The following STRN variants were observed in gnomAD, a reference collection of about 807,000 sequenced individuals.
STRN encodes the protein protein phosphatase 2 regulatory subunit B'''alpha.
A neutral mutation model predicts 96.3 loss-of-function variants in STRN; 53 were observed. The ratio of observed to expected loss-of-function variants is 0.55; its 90% CI spans 0.44 to 0.69. The LOEUF is 0.69. STRN is among the 30% of genes least tolerant of loss of function. The pLI is 0.00. For synonymous variants in STRN, 428 were observed against 355.9 expected (o/e 1.20, Z -2.28); for missense variants, 987 against 963.9 (o/e 1.02, Z -0.32).
chr2:36,878,184 AT>A (rs1242954185), intron 9 of STRN, among the ~76,000 whole-genome samples, 157 bp from the exon 10 acceptor site: 1 of 152,226 alleles, frequency 6.6e-6, no homozygotes, highest in African/African-American at 2.4e-5. Flanking sequence ...AAAATCCTAA[AT>A]AATTTATTGC....
At chr2:36,858,353 T>C (rs1668401380) in intron 13 of STRN, among the ~76,000 whole-genome samples, 1 of 152,202 alleles carries the variant, frequency 6.6e-6, no homozygotes. Flanking sequence ...ATTTAATTCA[T>C]CTTTGGAGAA....
At chr2:36,855,180 A>T in intron 15 of STRN, 32 bp downstream of exon 15, 1 of 1,602,936 alleles carries the variant, frequency 6.2e-7, no homozygotes, top group Non-Finnish European at 8.5e-7. Context: ...TTAAAAAAAT[A>T]AACACAGACA....
chr2:36,855,313 T>C lies in STRN; in HGVS notation c.1877A>G (p.Asp626Gly). Residue 626 changes from aspartate (D) to glycine (G), a missense_variant, in exon 15 of 18, where the codon GAC becomes GGC. Transcript: ENST00000263918. ...IPASVDLVSS[D>G]PSHMVASFSK... is the part of the protein sequence containing the mutation. ...GAATGATGCTACCATATGGCTCGGG[T>C]CACTGCTCACTAGATCCACAGAGGC... 1 of 1,613,762 alleles carries C rather than the reference T, an allele frequency of 6.2e-7. No individual in the cohort carries two copies. The highest frequency in any genetic ancestry group is 8.5e-7 in the Non-Finnish European group (1 of 1,179,814).
chr2:36,932,994 T>C (rs371684870), intron 1 of STRN, among the ~76,000 whole-genome samples: 4 of 151,946 alleles, frequency 2.6e-5, no homozygotes, highest in African/African-American at 7.2e-5. Context: ...CTTCCTATCT[T>C]TCACCTCTTT....
At chr2:36,882,275 C>A (rs1272060758) in intron 9 of STRN, among the ~76,000 whole-genome samples, 2 of 151,860 alleles carry the variant, frequency 1.3e-5, no homozygotes, top group African/African-American at 4.8e-5. Flanking sequence ...AGAGACAATG[C>A]AAATATAGTA....
At chr2:36,958,157 T>A (rs1664941894) in intron 1 of STRN, among the ~76,000 whole-genome samples, 1 of 151,902 alleles carries the variant, frequency 6.6e-6, no homozygotes. Flanking sequence ...GGACCTCAGG[T>A]GATCTGCCCG....
At chr2:36,879,728 AAATT>A (rs1669018127) in intron 9 of STRN, among the ~76,000 whole-genome samples, 1 of 152,224 alleles carries the variant, frequency 6.6e-6, no homozygotes, top group African/African-American at 2.4e-5. Flanking sequence ...CTAAAGGGGT[AAATT>A]AATTTTCTTA....
At chr2:36,856,970 A>G (rs1668361586) in intron 14 of STRN, among the ~76,000 whole-genome samples, 1 of 152,064 alleles carries the variant, frequency 6.6e-6, no homozygotes, top group African/African-American at 2.4e-5. Flanking sequence ...GAAGCCAAAG[A>G]AAAGTTGCTA....
In STRN at chr2:36,934,274, C is replaced by T. The variant is rs1247670925; in HGVS notation, c.235-9066G>A. On this transcript the variant is annotated intron_variant, in intron 1 of 17. Coordinates refer to ENST00000263918, the MANE Select transcript of STRN (RefSeq NM_003162.4). ...AATCAGTGAACTAATTCAGCAAATG[C>T]TCCAACCTGAGCAAAAAGGATTCAA... 2.0e-5 allele frequency among the ~76,000 whole-genome samples: 3 copies of T among 152,130 alleles called. No individual in the cohort carries two copies. The East Asian group carries it at 5.8e-4, about 29-fold the overall frequency.
At chr2:36,906,938 AC>A (rs1669837233) in intron 3 of STRN, among the ~76,000 whole-genome samples, 2 of 105,578 alleles carry the variant, frequency 1.9e-5, no homozygotes, top group Non-Finnish European at 4.2e-5. Flanking sequence ...AACAAAAAAA[AC>A]AAAAAAAAAC....
intron 1 of STRN, among the ~76,000 whole-genome samples, chr2:36,956,975 A>G (rs1481063892): frequency 6.6e-6 from 1 of 152,232 alleles, no homozygotes. Context: ...CAACACAAAA[A>G]TAGGAAGGAA....
chr2:36,900,892 CTAAATAAATAAATAAA>C lies in STRN; in HGVS notation c.660-1250_660-1235del, dbSNP rs533631408. Among the ~76,000 whole-genome samples the C allele has an allele frequency of 2.0e-5, 3 of 150,526 alleles. No individual in the cohort carries two copies. The South Asian group carries it at 6.3e-4, about 32-fold the overall frequency. On this transcript the variant is annotated intron_variant, in intron 5 of 17. Coordinates refer to ENST00000263918, the MANE Select transcript of STRN (RefSeq NM_003162.4). The stretch of plus-strand genomic sequence containing the variant: ...CAGGTGACAGAGTGAGACTCTGTCT[CTAAATAAATAAATAAA>C]TAAATAAATAAATTTAGTAAAGATT...
intron 8 of STRN, 67 bp downstream of exon 8, chr2:36,886,649 A>G (rs1310983122): frequency 2.5e-6 from 3 of 1,199,572 alleles, no homozygotes; most frequent in Middle Eastern, 2.1e-4. Flanking sequence ...GAAAACATTG[A>G]AAAAAAAAAC....
intron 1 of STRN, among the ~76,000 whole-genome samples, chr2:36,943,966 C>T (rs1012789537): frequency 1.4e-5 from 2 of 147,736 alleles, no homozygotes; most frequent in African/African-American, 2.5e-5. Flanking sequence ...AAAATACAAA[C>T]AAAATTAGCT....
In STRN at chr2:36,893,294, C is replaced by CA. The variant is rs61382980; in HGVS notation, c.931+603dup. ...TTCAGTATGGCACTGCTTTCAATAG[C>CA]AAAAAAAACCCCTAAGCGTACTTTT... is the stretch of plus-strand genomic sequence containing the variant. On this transcript the variant is annotated intron_variant, in intron 7 of 17. Coordinates refer to ENST00000263918, the MANE Select transcript of STRN (RefSeq NM_003162.4). 7.5e-3 allele frequency among the ~76,000 whole-genome samples: 1,141 copies of CA among 151,624 alleles called. 16 individuals are homozygous for CA. The highest frequency in any genetic ancestry group is 0.026 in the African/African-American group (1,091 of 41,388).
At chr2:36,859,288 G>A (rs1304493592) in intron 13 of STRN, among the ~76,000 whole-genome samples, 1 of 152,124 alleles carries the variant, frequency 6.6e-6, no homozygotes, top group Non-Finnish European at 1.5e-5. Flanking sequence ...GATTGTTTCA[G>A]CAGACAAAAA....
intron 12 of STRN, 94 bp from the exon 13 acceptor site, chr2:36,861,347 G>A: frequency 4.1e-6 from 6 of 1,479,314 alleles, no homozygotes; most frequent in Non-Finnish European, 5.5e-6. Flanking sequence ...TTACCCAAAT[G>A]GCTATTTTTC....
intron 1 of STRN, among the ~76,000 whole-genome samples, chr2:36,952,051 G>C (rs887514819): frequency 6.6e-6 from 1 of 151,058 alleles, no homozygotes; most frequent in African/African-American, 2.4e-5. Flanking sequence ...AAATACACAC[G>C]CACGCACACA....
rs558276162 is a variant in STRN, at chr2:36,843,129, T to A, written c.*6327A>T. Among the ~76,000 whole-genome samples, 1 of 152,154 alleles carries A rather than the reference T, an allele frequency of 6.6e-6. No homozygotes were observed. Among genetic ancestry groups the A allele is most frequent in the South Asian group, 2.1e-4 (1 of 4,832 alleles). On this transcript the variant is annotated 3_prime_UTR_variant, in exon 18 of 18. Coordinates refer to ENST00000263918, the MANE Select transcript of STRN (RefSeq NM_003162.4). Reference sequence around the variant, plus strand: ...CAAGCTAATCATGTCTCAGTTCTCATTAAAAAGATAAAAGAGGTGTTTCCA... The same window carrying A: ...CAAGCTAATCATGTCTCAGTTCTCAATAAAAAGATAAAAGAGGTGTTTCCA...
Sources: gnomAD v4.1 joint callset for allele counts (sites outside exome capture counted in the v4.1 genomes callset) on GRCh38, gnomAD v4.1.1 for gene constraint, MANE v1.5 for transcripts, NCBI Gene and HGNC (gene_info 2026-07-23, HGNC 2026-07-21) for gene names.